The following UBE2F variants were observed in gnomAD, a reference collection of about 807,000 sequenced individuals.
UBE2F encodes NEDD8-conjugating enzyme UBE2F.
In UBE2F, 5 loss-of-function variants were observed where a neutral mutation model predicts 29.6. The observed-to-expected ratio is 0.17, with a 90% CI of 0.09 to 0.36. The LOEUF (loss-of-function observed/expected upper bound fraction) is 0.36. Among genes scored for constraint, UBE2F ranks in the 10% least tolerant of loss-of-function variants. UBE2F has a pLI of 1.00. For missense variants in UBE2F, 141 were observed against 228.5 expected, an observed-to-expected ratio of 0.62 and a Z score of 2.47; for synonymous variants, 66 against 81.8, an observed-to-expected ratio of 0.81 and a Z score of 1.04.
intron 4 of UBE2F, among the ~76,000 whole-genome samples, chr2:238,001,075 C>T (rs2063783700): frequency 8.7e-6 from 1 of 115,030 alleles, no homozygotes; most frequent in Non-Finnish European, 1.7e-5. Flanking sequence ...ACTCTTGTTG[C>T]CCAGGCTGGA....
chr2:238,021,223 G>A (rs1334985115), intron 5 of UBE2F, among the ~76,000 whole-genome samples: 1 of 152,156 alleles, frequency 6.6e-6, no homozygotes, highest in African/African-American at 2.4e-5. Flanking sequence ...GGCCAGCCCG[G>A]AGGGACTAAG....
At chr2:237,979,859 G>C (rs908895863) in intron 2 of UBE2F, among the ~76,000 whole-genome samples, 2 of 152,200 alleles carry the variant, frequency 1.3e-5, no homozygotes, top group African/African-American at 4.8e-5. Flanking sequence ...TCTGCTACAG[G>C]GGCTGTGACT....
intron 5 of UBE2F, among the ~76,000 whole-genome samples, chr2:238,020,643 T>C (rs2064269915): frequency 6.6e-6 from 1 of 152,174 alleles, no homozygotes; most frequent in Admixed American, 6.5e-5. Flanking sequence ...AAAATGTCCA[T>C]TTGGAATCCC....
chr2:237,986,350 T>G (rs1287922537), intron 2 of UBE2F: 6 of 171,622 alleles, frequency 3.5e-5, no homozygotes, highest in Non-Finnish European at 6.3e-5. Context: ...AGAAAGGTTT[T>G]GCTGTGTTGC....
chr2:238,003,241 A>G, intron 4 of UBE2F: 1 of 353,896 alleles, frequency 2.8e-6, no homozygotes, highest in Non-Finnish European at 5.9e-6. Context: ...AAAAATACAG[A>G]TGCCAATTTT....
At chr2:238,023,162 T>C (rs936989917) in intron 5 of UBE2F, among the ~76,000 whole-genome samples, 3 of 152,194 alleles carry the variant, frequency 2.0e-5, no homozygotes, top group Non-Finnish European at 2.9e-5. Flanking sequence ...TGACTTGGCC[T>C]AGCACTAGCC....
At chr2:238,009,419 C>T (rs4663829) in intron 4 of UBE2F, among the ~76,000 whole-genome samples, 132,757 of 152,268 alleles carry the variant, frequency 0.87, 58,123 homozygotes, top group East Asian at 0.97. Context: ...CGCAGGTCTT[C>T]GTTCACTTTT....
intron 4 of UBE2F, among the ~76,000 whole-genome samples, chr2:238,007,817 T>TG (rs1477051095): frequency 6.6e-6 from 1 of 152,208 alleles, no homozygotes; most frequent in Non-Finnish European, 1.5e-5. Context: ...AATCCTTACC[T>TG]GTCTGTGAGG....
chr2:237,981,808 G>C (rs1312045948), intron 2 of UBE2F, among the ~76,000 whole-genome samples: 2 of 151,656 alleles, frequency 1.3e-5, no homozygotes, highest in Non-Finnish European at 2.9e-5. Context: ...TGTATCTTTT[G>C]TAGAGACAAG....
chr2:238,022,125 G>C (rs1294086915), intron 5 of UBE2F, among the ~76,000 whole-genome samples: 1 of 151,448 alleles, frequency 6.6e-6, no homozygotes, highest in Non-Finnish European at 1.5e-5. Context: ...GGAGGAAATG[G>C]TATCTCGTTT....
At chr2:237,972,605 C>T (rs1042430437) in intron 1 of UBE2F, among the ~76,000 whole-genome samples, 10 of 135,416 alleles carry the variant, frequency 7.4e-5, no homozygotes, top group African/African-American at 2.8e-4. Flanking sequence ...GGCTGGAGTG[C>T]AGTGGCACAA....
chr2:237,993,926 T>C (rs1255335398), intron 3 of UBE2F, among the ~76,000 whole-genome samples: 3 of 152,076 alleles, frequency 2.0e-5, no homozygotes, highest in African/African-American at 7.2e-5. Context: ...TCAGGCCTCT[T>C]ATGATTTGGA....
chr2:237,999,320 C>T (rs1299756956), intron 4 of UBE2F, among the ~76,000 whole-genome samples: 2 of 152,142 alleles, frequency 1.3e-5, no homozygotes, highest in African/African-American at 4.8e-5. Flanking sequence ...TCCGCCCACC[C>T]TGGCCTCCCA....
chr2:238,031,980 G>A (rs1452871806), intron 7 of UBE2F, among the ~76,000 whole-genome samples: 1 of 152,248 alleles, frequency 6.6e-6, no homozygotes, highest in Non-Finnish European at 1.5e-5. Context: ...GGTCTGACTG[G>A]GAGGGTGTCT....
chr2:238,039,775 G>T (rs2064799546), intron 9 of UBE2F, among the ~76,000 whole-genome samples: 1 of 152,234 alleles, frequency 6.6e-6, no homozygotes, highest in African/African-American at 2.4e-5. Flanking sequence ...TGGACGCCGG[G>T]CTCTATGCTG....
intron 3 of UBE2F, among the ~76,000 whole-genome samples, chr2:237,988,761 A>G (rs148820823): frequency 3.2e-3 from 489 of 152,300 alleles, no homozygotes; most frequent in Middle Eastern, 6.8e-3. Context: ...AAGTGTATAA[A>G]TCAATAACAG....
chr2:237,996,257 T>C (rs1372107446), intron 4 of UBE2F, among the ~76,000 whole-genome samples: 1 of 152,208 alleles, frequency 6.6e-6, no homozygotes, highest in Non-Finnish European at 1.5e-5. Flanking sequence ...TTTACTAATT[T>C]CAGACTTGTG....
chr2:238,028,828 C>G (rs900378902), intron 6 of UBE2F: 3 of 152,016 alleles, frequency 2.0e-5, no homozygotes, highest in African/African-American at 7.2e-5. Context: ...ATGGATAAAG[C>G]CTGATATTTT....
chr2:238,033,796 T>C (rs1261414670), intron 8 of UBE2F, among the ~76,000 whole-genome samples: 2 of 152,248 alleles, frequency 1.3e-5, no homozygotes, highest in African/African-American at 4.8e-5. Context: ...TGACAGTTTC[T>C]GCTGGTCTTA....
Sources: allele counts gnomAD v4.1 joint callset (sites outside exome capture counted in the v4.1 genomes callset), GRCh38; gene constraint gnomAD v4.1.1; transcripts MANE v1.5; gene names NCBI Gene and HGNC (gene_info 2026-07-23, HGNC 2026-07-21).